SNTG2: variants seen among roughly 807,000 people sequenced by gnomAD.
SNTG2 encodes syntrophin gamma 2, also known as gamma-2-syntrophin.
A neutral mutation model predicts 70.9 loss-of-function variants in SNTG2; 74 were observed. That is an observed-to-expected ratio of 1.04 (90% CI 0.86 to 1.27). The LOEUF is 1.27. Among genes scored for constraint, SNTG2 ranks in the 50% most tolerant of loss-of-function variants. The pLI is 0.00. For synonymous variants in SNTG2, 278 were observed against 273.8 expected, an observed-to-expected ratio of 1.02 and a Z score of -0.15; for missense variants, 717 against 690.7, an observed-to-expected ratio of 1.04 and a Z score of -0.43.
In SNTG2 at chr2:966,051, G is replaced by A. The variant is rs575475205; in HGVS notation, c.72+14983G>A. ...CTACCATGGCCTTGCTGCTTCTCTC[G>A]CCTCCATGCATGCCCAGGGTCCCCC... On this transcript the variant is annotated intron_variant, in intron 1 of 16. Transcript: ENST00000308624. 2.0e-5 allele frequency among the ~76,000 whole-genome samples: 3 copies of A among 152,262 alleles called. No individual in the cohort carries two copies. In the South Asian group the frequency reaches 6.2e-4, roughly 32 times the overall value.
chr2:1,289,656 A>G (rs1487978399), intron 14 of SNTG2, among the ~76,000 whole-genome samples: 1 of 152,228 alleles, frequency 6.6e-6, no homozygotes, highest in African/African-American at 2.4e-5. Context: ...TATACATCAC[A>G]TAAAACGTAA....
intron 8 of SNTG2, among the ~76,000 whole-genome samples, chr2:1,174,098 C>A: frequency 6.6e-6 from 1 of 152,146 alleles, no homozygotes; most frequent in East Asian, 1.9e-4. Flanking sequence ...TGCATTTAGA[C>A]TCTGTGTCAG....
intron 14 of SNTG2, among the ~76,000 whole-genome samples, chr2:1,295,993 G>A (rs1680193656): frequency 6.6e-6 from 1 of 151,714 alleles, no homozygotes; most frequent in South Asian, 2.1e-4. Flanking sequence ...GGGGTGGGAG[G>A]GCCAGGCAGA....
chr2:1,014,736 G>A (rs1659830152), intron 1 of SNTG2, among the ~76,000 whole-genome samples: 1 of 145,506 alleles, frequency 6.9e-6, no homozygotes, highest in Non-Finnish European at 1.5e-5. Flanking sequence ...AATTTATATG[G>A]GCAGAGAGAG....
At chr2:1,211,204 G>A (rs577947270) in intron 9 of SNTG2, among the ~76,000 whole-genome samples, 2 of 152,266 alleles carry the variant, frequency 1.3e-5, no homozygotes, top group Admixed American at 1.3e-4. Context: ...TGTTTCTTTG[G>A]TTTGGGGTTA....
At chr2:1,011,057 A>G (rs1029882948) in intron 1 of SNTG2, among the ~76,000 whole-genome samples, 1 of 152,254 alleles carries the variant, frequency 6.6e-6, no homozygotes. Context: ...GGCCTTTCTC[A>G]GTGCTCTGAT....
chr2:1,081,527 G>T (rs911907045), intron 1 of SNTG2, among the ~76,000 whole-genome samples: 3 of 152,222 alleles, frequency 2.0e-5, no homozygotes, highest in African/African-American at 4.8e-5. Flanking sequence ...CTCAGCCCTC[G>T]GTCAGGCAGG....
chr2:1,018,121 C>CT (rs1659969271), intron 1 of SNTG2, among the ~76,000 whole-genome samples: 1 of 152,124 alleles, frequency 6.6e-6, no homozygotes, highest in African/African-American at 2.4e-5. Flanking sequence ...GGTAACGAGC[C>CT]TCTGTTGACT....
intron 14 of SNTG2, among the ~76,000 whole-genome samples, chr2:1,307,435 CTGTGTG>C (rs35500323): frequency 1.4e-4 from 19 of 138,674 alleles, no homozygotes; most frequent in East Asian, 4.4e-4. Context: ...GAGCCGTGTA[CTGTGTG>C]TGTGTGTGTG....
At chr2:1,004,906 G>A (rs1162421782) in intron 1 of SNTG2, among the ~76,000 whole-genome samples, 2 of 152,130 alleles carry the variant, frequency 1.3e-5, no homozygotes, top group Non-Finnish European at 2.9e-5. Flanking sequence ...TTATAATTAT[G>A]TATAATTGTC....
At chr2:1,082,825 C>T (rs1007498671) in intron 1 of SNTG2, among the ~76,000 whole-genome samples, 1 of 152,238 alleles carries the variant, frequency 6.6e-6, no homozygotes, top group African/African-American at 2.4e-5. Flanking sequence ...TCTAATGATC[C>T]AAAGGTGTCT....
At chr2:1,072,292 G>A (rs1443522222) in intron 1 of SNTG2, among the ~76,000 whole-genome samples, 1 of 149,512 alleles carries the variant, frequency 6.7e-6, no homozygotes, top group Non-Finnish European at 1.5e-5. Context: ...AATGGAGTTT[G>A]TGACTTTAAG....
At chr2:971,443 T>C (rs530668892) in intron 1 of SNTG2, among the ~76,000 whole-genome samples, 11 of 152,102 alleles carry the variant, frequency 7.2e-5, no homozygotes, top group Non-Finnish European at 1.3e-4. Flanking sequence ...TAGTTTGTGT[T>C]CATAGAGGTG....
Position 1,260,397 on chromosome 2 carries a change from T to C in SNTG2, c.1077+956T>C, listed in dbSNP as rs1678353178. On this transcript the variant is annotated intron_variant, in intron 13 of 16. Coordinates refer to ENST00000308624, the MANE Select transcript of SNTG2 (RefSeq NM_018968.4). ...ATTTATTTCCCATTTTTGAAAAATTTATTTGGGCAACATTTTTCTGCATTG... is the reference window on the plus strand; with the variant it reads ...ATTTATTTCCCATTTTTGAAAAATTCATTTGGGCAACATTTTTCTGCATTG... Among the ~76,000 whole-genome samples, 3 of 152,318 alleles carry C rather than the reference T, an allele frequency of 2.0e-5. No homozygotes were observed. In the South Asian group the frequency reaches 6.2e-4, roughly 32 times the overall value.
intron 1 of SNTG2, among the ~76,000 whole-genome samples, chr2:975,110 C>T (rs962100663): frequency 6.6e-6 from 1 of 151,858 alleles, no homozygotes; most frequent in African/African-American, 2.4e-5. Context: ...CAAACCACAC[C>T]ACACACTTGC....
chr2:1,224,036 A>G (rs932275208), intron 9 of SNTG2, among the ~76,000 whole-genome samples: 3 of 152,036 alleles, frequency 2.0e-5, no homozygotes, highest in African/African-American at 7.3e-5. Context: ...CCTGTCCTGC[A>G]TTGCAGATGG....
intron 4 of SNTG2, among the ~76,000 whole-genome samples, chr2:1,124,337 C>T (rs2148296152): frequency 1.4e-5 from 2 of 148,046 alleles, no homozygotes; most frequent in South Asian, 4.3e-4. Context: ...CTTTGTTGCC[C>T]AGGCTGGAGT....
chr2:1,219,439 G>A (rs1674608004), intron 9 of SNTG2, among the ~76,000 whole-genome samples: 2 of 152,188 alleles, frequency 1.3e-5, no homozygotes, highest in Non-Finnish European at 2.9e-5. Context: ...ATTCAGATTT[G>A]AGTGATTATC....
chr2:1,156,368 C>G (rs1672703145), intron 6 of SNTG2, among the ~76,000 whole-genome samples: 3 of 152,056 alleles, frequency 2.0e-5, no homozygotes, highest in South Asian at 4.2e-4. Flanking sequence ...CAGGAGTACA[C>G]AGATGTTCAC....
Sources: allele counts gnomAD v4.1 joint callset (sites outside exome capture counted in the v4.1 genomes callset), GRCh38; gene constraint gnomAD v4.1.1; transcripts MANE v1.5; gene names NCBI Gene and HGNC (gene_info 2026-07-23, HGNC 2026-07-21).